ADAMTSL3: variants seen among roughly 807,000 people sequenced by gnomAD.
ADAMTSL3 encodes the protein ADAMTS-like protein 3.
A neutral mutation model predicts 201.7 loss-of-function variants in ADAMTSL3; 128 were observed. The ratio of observed to expected loss-of-function variants is 0.63; its 90% CI spans 0.55 to 0.73. ADAMTSL3 has a LOEUF of 0.73. Among genes scored for constraint, ADAMTSL3 ranks in the 30% least tolerant of loss-of-function variants. ADAMTSL3 has a pLI of 0.00. For missense variants in ADAMTSL3, 1,990 were observed against 2,119.6 expected, an observed-to-expected ratio of 0.94 and a Z score of 1.20; for synonymous variants, 738 against 748.4, an observed-to-expected ratio of 0.99 and a Z score of 0.23.
At chr15:83,965,165 C>T (rs1002935185) in intron 19 of ADAMTSL3, among the ~76,000 whole-genome samples, 1 of 152,114 alleles carries the variant, frequency 6.6e-6, no homozygotes, top group Non-Finnish European at 1.5e-5. Flanking sequence ...TAAATTCACA[C>T]ATAACAATGT....
intron 3 of ADAMTSL3, among the ~76,000 whole-genome samples, chr15:83,765,391 C>T (rs1008281058): frequency 6.6e-6 from 1 of 152,038 alleles, no homozygotes; most frequent in African/African-American, 2.4e-5. Flanking sequence ...GAAGTAATAT[C>T]CCAGTGGAAC....
chr15:83,822,065 T>G (rs1253858864), intron 6 of ADAMTSL3, among the ~76,000 whole-genome samples: 1 of 109,804 alleles, frequency 9.1e-6, no homozygotes, highest in Non-Finnish European at 1.9e-5. Context: ...CACTTCCCAG[T>G]AGGGGCGGCC....
chr15:83,845,626 G>T (rs554909010), intron 7 of ADAMTSL3, among the ~76,000 whole-genome samples: 117 of 152,112 alleles, frequency 7.7e-4, no homozygotes, highest in African/African-American at 2.7e-3. Flanking sequence ...TGTGTAATTT[G>T]TTCATTGTTA....
intron 3 of ADAMTSL3, among the ~76,000 whole-genome samples, chr15:83,765,469 T>C (rs10083569): frequency 0.43 from 65,386 of 151,996 alleles, 16,105 homozygotes; most frequent in African/African-American, 0.67. Flanking sequence ...TGACCTTATA[T>C]GTGAAATCTG....
intron 16 of ADAMTSL3, among the ~76,000 whole-genome samples, chr15:83,920,160 C>T (rs1181607594): frequency 2.6e-5 from 4 of 152,186 alleles, no homozygotes; most frequent in African/African-American, 9.7e-5. Flanking sequence ...CAAATGGTAA[C>T]GTGGGAACAA....
intron 6 of ADAMTSL3, among the ~76,000 whole-genome samples, chr15:83,821,050 A>T (rs11259919): frequency 6.6e-6 from 1 of 151,790 alleles, no homozygotes; most frequent in Admixed American, 6.6e-5. Flanking sequence ...CTCCAGTCTG[A>T]GTGACAGAGC....
chr15:83,993,976 C>A (rs2067630585), intron 23 of ADAMTSL3, among the ~76,000 whole-genome samples: 1 of 152,198 alleles, frequency 6.6e-6, no homozygotes, highest in African/African-American at 2.4e-5. Flanking sequence ...TTAAGCTCAT[C>A]AGAGATGCAG....
Position 84,031,424 on chromosome 15 carries a change from C to T in ADAMTSL3, c.4746C>T (p.Asp1582=), listed in dbSNP as rs1207266302. 6.2e-7 allele frequency: 1 copy of T among 1,613,974 alleles called. No individual in the cohort carries two copies. Among genetic ancestry groups the T allele is most frequent in the African/African-American group, 1.3e-5 (1 of 74,910 alleles). ...ACAGCTCTGACTCCAACTGTGATGA[C>T]AGAAAGAGGTAGGGGCCCCACCCCA... ...QHNSSDSNCD[D]RKRPTLRRNC... is the part of the protein sequence containing the mutation. Residue 1582 remains aspartate (D), a synonymous_variant, in exon 28 of 30, where the codon GAC becomes GAT. Coordinates refer to ENST00000286744, the MANE Select transcript of ADAMTSL3 (RefSeq NM_207517.3).
intron 3 of ADAMTSL3, among the ~76,000 whole-genome samples, chr15:83,714,584 C>T (rs1771588453): frequency 6.6e-6 from 1 of 152,044 alleles, no homozygotes; most frequent in Non-Finnish European, 1.5e-5. Flanking sequence ...AGGCCACCTT[C>T]ACTTACACGC....
At chr15:83,920,343 C>G (rs779096328) in intron 16 of ADAMTSL3, among the ~76,000 whole-genome samples, 1 of 152,188 alleles carries the variant, frequency 6.6e-6, no homozygotes, top group Non-Finnish European at 1.5e-5. Context: ...CACTTCCGCT[C>G]AGGCTCCAGT....
intron 6 of ADAMTSL3, among the ~76,000 whole-genome samples, chr15:83,824,270 C>T (rs1239041937): frequency 1.3e-5 from 2 of 151,952 alleles, no homozygotes; most frequent in Non-Finnish European, 2.9e-5. Flanking sequence ...TGGCCTTGAG[C>T]CTCCCAAAAT....
intron 4 of ADAMTSL3, among the ~76,000 whole-genome samples, chr15:83,792,921 G>C (rs919980425): frequency 1.3e-5 from 2 of 152,158 alleles, no homozygotes; most frequent in African/African-American, 2.4e-5. Context: ...AATAGCCAAG[G>C]TGTGGAAACA....
At chr15:83,776,094 A>G (rs1433845397) in intron 4 of ADAMTSL3, among the ~76,000 whole-genome samples, 1 of 152,172 alleles carries the variant, frequency 6.6e-6, no homozygotes, top group East Asian at 1.9e-4. Flanking sequence ...TCAGGTGTGA[A>G]TTAAACACCA....
At chr15:83,821,300 G>C (rs139568148) in intron 6 of ADAMTSL3, among the ~76,000 whole-genome samples, 2,105 of 149,770 alleles carry the variant, frequency 0.014, 59 homozygotes, top group African/African-American at 0.049. Flanking sequence ...AGGGGGATTT[G>C]GCAGGGTCAT....
intron 16 of ADAMTSL3, among the ~76,000 whole-genome samples, chr15:83,916,101 G>A (rs191019417): frequency 1.3e-4 from 20 of 152,246 alleles, no homozygotes; most frequent in Admixed American, 8.5e-4. Context: ...GTGGCACTGC[G>A]CACCTTTTGC....
At chr15:83,676,459 A>T (rs982173770) in intron 2 of ADAMTSL3, among the ~76,000 whole-genome samples, 1 of 152,098 alleles carries the variant, frequency 6.6e-6, no homozygotes, top group African/African-American at 2.4e-5. Flanking sequence ...TGGGCGGATC[A>T]TGAGGTCAGG....
intron 20 of ADAMTSL3, among the ~76,000 whole-genome samples, chr15:83,972,530 T>G (rs1263587351): frequency 6.6e-6 from 1 of 152,102 alleles, no homozygotes; most frequent in Admixed American, 6.5e-5. Flanking sequence ...GAATAGCATG[T>G]GGAAATACAA....
intron 4 of ADAMTSL3, among the ~76,000 whole-genome samples, chr15:83,796,684 C>A (rs1274921255): frequency 6.6e-6 from 1 of 152,104 alleles, no homozygotes; most frequent in Non-Finnish European, 1.5e-5. Flanking sequence ...TAAAATGTTT[C>A]TTTTAACTAT....
At chr15:83,897,623 T>C (rs1042244056) in intron 13 of ADAMTSL3, among the ~76,000 whole-genome samples, 1 of 152,232 alleles carries the variant, frequency 6.6e-6, no homozygotes, top group African/African-American at 2.4e-5. Context: ...AACTATGATC[T>C]CACCTTAAAT....
Sources: gnomAD v4.1 joint callset for allele counts (sites outside exome capture counted in the v4.1 genomes callset) on GRCh38, gnomAD v4.1.1 for gene constraint, MANE v1.5 for transcripts, NCBI Gene and HGNC (gene_info 2026-07-23, HGNC 2026-07-21) for gene names.